CAMK1D: variants seen among roughly 807,000 people sequenced by gnomAD.
CAMK1D encodes the protein calcium/calmodulin dependent protein kinase ID.
A neutral mutation model predicts 47.7 loss-of-function variants in CAMK1D; 9 were observed. The ratio of observed to expected loss-of-function variants is 0.19; its 90% confidence interval spans 0.11 to 0.33. CAMK1D has a LOEUF of 0.33. CAMK1D is among the 10% of genes least tolerant of loss of function. The pLI, the probability that CAMK1D is intolerant of heterozygous loss-of-function variation, is 1.00. For missense variants in CAMK1D, 291 were observed against 488.7 expected, an observed-to-expected ratio of 0.60 and a Z score of 3.81; for synonymous variants, 184 against 184.9, an observed-to-expected ratio of 0.99 and a Z score of 0.04.
chr10:12,697,752 G>A (rs1833355008), intron 3 of CAMK1D, among the ~76,000 whole-genome samples: 1 of 152,156 alleles, frequency 6.6e-6, no homozygotes, highest in South Asian at 2.1e-4. Flanking sequence ...CCTTGACACG[G>A]GTACTTTTCC....
chr10:12,374,701 G>A (rs1838121541), intron 1 of CAMK1D, among the ~76,000 whole-genome samples: 1 of 152,234 alleles, frequency 6.6e-6, no homozygotes, highest in East Asian at 1.9e-4. Flanking sequence ...CCAGCACTTT[G>A]GGAGGCTGAG....
chr10:12,650,405 C>T (rs995647126), intron 2 of CAMK1D, among the ~76,000 whole-genome samples: 3 of 152,268 alleles, frequency 2.0e-5, no homozygotes, highest in Non-Finnish European at 4.4e-5. Flanking sequence ...TGTTTACGTA[C>T]ACTTCTGTCT....
At chr10:12,727,087 G>A (rs780632682) in intron 3 of CAMK1D, among the ~76,000 whole-genome samples, 2 of 152,240 alleles carry the variant, frequency 1.3e-5, no homozygotes, top group Non-Finnish European at 2.9e-5. Context: ...CACATGTGCT[G>A]ACGGAGGCTT....
chr10:12,431,019 G>C (rs1832457150), intron 1 of CAMK1D, among the ~76,000 whole-genome samples: 1 of 152,140 alleles, frequency 6.6e-6, no homozygotes, highest in South Asian at 2.1e-4. Flanking sequence ...CAAAGTGCTG[G>C]GGTTATAGGC....
chr10:12,734,365 T>A (rs376114141), intron 3 of CAMK1D, among the ~76,000 whole-genome samples: 4 of 9,224 alleles, frequency 4.3e-4, no homozygotes, highest in African/African-American at 1.2e-3. Context: ...TATATATATA[T>A]ATATATATAT....
chr10:12,414,197 A>G (rs75557306), intron 1 of CAMK1D, among the ~76,000 whole-genome samples: 2,208 of 152,310 alleles, frequency 0.014, 53 homozygotes, highest in African/African-American at 0.05. Context: ...GATAGAAGGA[A>G]TGGAGATGGC....
intron 2 of CAMK1D, among the ~76,000 whole-genome samples, chr10:12,622,797 A>G (rs11257919): frequency 0.018 from 2,694 of 152,024 alleles, 77 homozygotes; most frequent in East Asian, 0.079. Flanking sequence ...AAGCTGGGGA[A>G]GAAGGGGAAT....
At chr10:12,364,163 T>G (rs1401383465) in intron 1 of CAMK1D, among the ~76,000 whole-genome samples, 1 of 151,572 alleles carries the variant, frequency 6.6e-6, no homozygotes, top group Non-Finnish European at 1.5e-5. Flanking sequence ...TCAGAGAAGT[T>G]AAATGACTCA....
chr10:12,761,047 C>T lies in CAMK1D; in HGVS notation c.399C>T (p.Tyr133=). 6.2e-7 allele frequency: 1 copy of T among 1,614,162 alleles called. No homozygotes were observed. The highest frequency in any genetic ancestry group is 8.5e-7 in the Non-Finnish European group (1 of 1,180,036). ...TLIRQVLDAV[Y]YLHRMGIVHR... is the part of the protein sequence containing the mutation. ...TCCGCCAAGTCTTGGACGCCGTGTA[C>T]TATCTCCACAGAATGGGCATCGTCC... The change falls in exon 4 of 11, where the codon TAC becomes TAT. Residue 133 remains tyrosine (Y), a synonymous_variant. Transcript: ENST00000619168.
chr10:12,788,096 TATTGTC>T (rs1345720876), intron 5 of CAMK1D, among the ~76,000 whole-genome samples: 4 of 152,226 alleles, frequency 2.6e-5, no homozygotes, highest in African/African-American at 9.6e-5. Flanking sequence ...CCATCCCCAA[TATTGTC>T]ATCCTGATAT....
intron 2 of CAMK1D, among the ~76,000 whole-genome samples, chr10:12,628,861 GTCATA>G (rs1839299595): frequency 2.0e-5 from 3 of 152,076 alleles, no homozygotes; most frequent in Non-Finnish European, 2.9e-5. Context: ...TTTCTATAAG[GTCATA>G]TAATGGGAAT....
chr10:12,652,515 G>A (rs1428014479), intron 2 of CAMK1D, among the ~76,000 whole-genome samples: 1 of 151,424 alleles, frequency 6.6e-6, no homozygotes, highest in East Asian at 1.9e-4. Flanking sequence ...GTGACCCCAC[G>A]AGGCGGAGCT....
intron 1 of CAMK1D, among the ~76,000 whole-genome samples, chr10:12,397,713 G>T (rs1458750759): frequency 2.6e-5 from 4 of 152,090 alleles, no homozygotes; most frequent in Non-Finnish European, 5.9e-5. Context: ...GACTGAAGAG[G>T]GTGAGTGTTG....
chr10:12,432,877 C>T (rs1418204819), intron 1 of CAMK1D, among the ~76,000 whole-genome samples: 5 of 152,110 alleles, frequency 3.3e-5, no homozygotes, highest in Non-Finnish European at 5.9e-5. Flanking sequence ...AAGATGGTGC[C>T]GTCTCGGCAA....
At chr10:12,406,293 G>A (rs930080817) in intron 1 of CAMK1D, among the ~76,000 whole-genome samples, 3 of 152,130 alleles carry the variant, frequency 2.0e-5, no homozygotes, top group Non-Finnish European at 2.9e-5. Context: ...GTTCAGGACC[G>A]TCATGTCGCG....
chr10:12,680,319 G>T (rs557281305), intron 3 of CAMK1D, among the ~76,000 whole-genome samples: 1 of 152,214 alleles, frequency 6.6e-6, no homozygotes, highest in Non-Finnish European at 1.5e-5. Context: ...TTCTCATGAG[G>T]TCTATGATAG....
At chr10:12,731,432 G>GA (rs1834875934) in intron 3 of CAMK1D, among the ~76,000 whole-genome samples, 1 of 152,214 alleles carries the variant, frequency 6.6e-6, no homozygotes, top group Non-Finnish European at 1.5e-5. Context: ...AGTTGTTGGA[G>GA]AAAAGTCATG....
chr10:12,613,971 T>G (rs961398332), intron 2 of CAMK1D, among the ~76,000 whole-genome samples: 2 of 152,214 alleles, frequency 1.3e-5, no homozygotes, highest in Non-Finnish European at 2.9e-5. Flanking sequence ...TAATACCATG[T>G]TCTGGTCATC....
At chr10:12,758,433 T>C (rs1376985293) in intron 3 of CAMK1D, among the ~76,000 whole-genome samples, 1 of 152,164 alleles carries the variant, frequency 6.6e-6, no homozygotes, top group African/African-American at 2.4e-5. Flanking sequence ...CCCTTGTGCC[T>C]CGGTTTCTAA....
Sources: allele counts gnomAD v4.1 joint callset (sites outside exome capture counted in the v4.1 genomes callset), GRCh38; gene constraint gnomAD v4.1.1; transcripts MANE v1.5; gene names NCBI Gene and HGNC (gene_info 2026-07-23, HGNC 2026-07-21).